Variants in MTMR7 observed in about 807,000 individuals in gnomAD.
MTMR7 encodes the protein myotubularin related protein 7.
Under a neutral mutation model 81.2 loss-of-function variants are expected in MTMR7, and 76 were observed. The observed-to-expected ratio is 0.94, with a 90% CI of 0.78 to 1.13. MTMR7 has a LOEUF of 1.13. MTMR7 is among the 50% of genes most tolerant of loss of function. The pLI is 0.00. For synonymous variants in MTMR7, 372 were observed against 289.8 expected (o/e 1.28, Z -2.88); for missense variants, 1,044 against 820.0 (o/e 1.27, Z -3.34).
Position 17,311,621 on chromosome 8 carries a change from C to T in MTMR7, c.991G>A (p.Gly331Arg). 2 of 1,614,134 alleles carry T rather than the reference C, an allele frequency of 1.2e-6. No individual in the cohort carries two copies. Among genetic ancestry groups the T allele is most frequent in the Non-Finnish European group, 1.7e-6 (2 of 1,180,006 alleles). ...GAACAGTGAACAAGCACACTTGCCC[C>T]TTCCTCTGACACTGCCTAGAAAACA... ...IFIAKAVSEE[G>R]ASVLVHCSDG... Residue 331 changes from glycine (G) to arginine (R), a missense_variant, in exon 9 of 14, where the codon GGG (glycine) becomes AGG (arginine). Coordinates refer to ENST00000180173, the MANE Select transcript of MTMR7 (RefSeq NM_004686.5).
At chr8:17,348,065 T>C (rs974905492) in intron 5 of MTMR7, among the ~76,000 whole-genome samples, 1 of 152,168 alleles carries the variant, frequency 6.6e-6, no homozygotes, top group African/African-American at 2.4e-5. Context: ...CTGCGCACCC[T>C]GGTAATTTTA....
chr8:17,340,906 AT>A (rs774671576), intron 6 of MTMR7, among the ~76,000 whole-genome samples: 2 of 152,128 alleles, frequency 1.3e-5, no homozygotes, highest in Non-Finnish European at 2.9e-5. Context: ...TTTACCTTAT[AT>A]TTTATAGTTC....
intron 1 of MTMR7, among the ~76,000 whole-genome samples, chr8:17,379,347 C>G (rs1384471672): frequency 6.6e-6 from 1 of 152,156 alleles, no homozygotes; most frequent in Non-Finnish European, 1.5e-5. Flanking sequence ...ACCACGCGAA[C>G]TCCACCCCGG....
Position 17,379,488 on chromosome 8 carries a change from T to C in MTMR7, c.25-6248A>G, listed in dbSNP as rs1362212690. Among the ~76,000 whole-genome samples, 5 of 152,164 alleles carry C rather than the reference T, an allele frequency of 3.3e-5. 1 individual carries two copies. Among genetic ancestry groups the C allele is most frequent in the Non-Finnish European group, 7.4e-5 (5 of 68,024 alleles). On this transcript the variant is annotated intron_variant, in intron 1 of 13. Coordinates refer to ENST00000180173, the MANE Select transcript of MTMR7 (RefSeq NM_004686.5). ...CACACGGGAAATAAAATGACTCCAT[T>C]AGGCCGGATTGAGAAATACATTTTA...
Position 17,311,655 on chromosome 8 carries a change from G to A in MTMR7, c.976-19C>T, listed in dbSNP as rs201248756. On this transcript the variant is annotated intron_variant, in intron 8 of 13. Coordinates refer to ENST00000180173, the MANE Select transcript of MTMR7 (RefSeq NM_004686.5). ...ACACTGCCTAGAAAACACACGATCC[G>A]CAAAGAGTCACAAAGAATGGCTGTA... 129 of 1,613,584 alleles carry A rather than the reference G, an allele frequency of 8.0e-5. No homozygotes were observed. The highest frequency in any genetic ancestry group is 4.9e-4 in the Middle Eastern group (3 of 6,082).
chr8:17,399,695 C>A (rs1585123168), intron 1 of MTMR7, among the ~76,000 whole-genome samples: 1 of 152,094 alleles, frequency 6.6e-6, no homozygotes, highest in Middle Eastern at 3.4e-3. Context: ...AAGAACAAAA[C>A]TGGAGGAATC....
intron 1 of MTMR7, among the ~76,000 whole-genome samples, chr8:17,375,506 C>A (rs1026946156): frequency 1.5e-5 from 2 of 137,802 alleles, no homozygotes; most frequent in East Asian, 2.2e-4. Flanking sequence ...TACAAGAATT[C>A]TTTTGTTACT....
At chr8:17,405,250 T>G (rs1399583271) in intron 1 of MTMR7, among the ~76,000 whole-genome samples, 1 of 152,242 alleles carries the variant, frequency 6.6e-6, no homozygotes, top group African/African-American at 2.4e-5. Flanking sequence ...AATTTGAACC[T>G]GCTTACAACC....
Position 17,304,381 on chromosome 8 carries a change from G to C in MTMR7, c.1491C>G (p.Tyr497Ter). The C allele has an allele frequency of 3.1e-6, 5 of 1,611,938 alleles. No homozygotes were observed. Among genetic ancestry groups the C allele is most frequent in the Non-Finnish European group, 4.2e-6 (5 of 1,178,318 alleles). Reference sequence around the variant, plus strand: ...AAAGTTACCAAGGATTTACATACTTGTACATGAAGTTACATGGTGTTGTAG... The same window carrying C: ...AAAGTTACCAAGGATTTACATACTTCTACATGAAGTTACATGGTGTTGTAG... ...HLPTTPCNFMYKFWSGMYNRF... is the reference protein window; with the variant it reads ...HLPTTPCNFM Residue 497 changes from tyrosine to a stop codon, truncating the protein, a stop_gained and splice_region_variant, in exon 12 of 14, where the codon TAC becomes TAG. Transcript: ENST00000180173. LOFTEE classifies it high-confidence loss of function.
In MTMR7 at chr8:17,331,396, C is replaced by T. The variant is rs1240434587; in HGVS notation, c.733-114G>A. On this transcript the variant is annotated intron_variant, in intron 6 of 13. Transcript: ENST00000180173. ...AAGCATTCAGAATGATGTACGGAAACATAATACGCTTATTTGAATCACTGC... is the reference window on the plus strand; with the variant it reads ...AAGCATTCAGAATGATGTACGGAAATATAATACGCTTATTTGAATCACTGC... 3 of 1,132,830 alleles carry T rather than the reference C, an allele frequency of 2.6e-6. No individual in the cohort carries two copies. In the African/African-American group the frequency reaches 4.7e-5, roughly 18 times the overall value. 70.2% of individuals were successfully genotyped at this position (1,132,830 alleles called of 1,614,324 possible).
At position 17,304,526 on chromosome 8, in the gene MTMR7, T is replaced by G; in HGVS notation, c.1353-7A>C. ...GTATGTTCTTTCTTGAATCCTGTTATAAAGAAAATAAGTCTATAAATGACC... is the reference window on the plus strand; with the variant it reads ...GTATGTTCTTTCTTGAATCCTGTTAGAAAGAAAATAAGTCTATAAATGACC... On this transcript the variant is annotated splice_region_variant and splice_polypyrimidine_tract_variant and intron_variant, in intron 11 of 13. Transcript: ENST00000180173. 6.2e-7 allele frequency: 1 copy of G among 1,612,496 alleles called. No individual in the cohort carries two copies. The highest frequency in any genetic ancestry group is 8.5e-7 in the Non-Finnish European group (1 of 1,178,838).
intron 5 of MTMR7, among the ~76,000 whole-genome samples, chr8:17,342,811 C>A (rs950391669): frequency 6.6e-6 from 1 of 152,068 alleles, no homozygotes; most frequent in African/African-American, 2.4e-5. Flanking sequence ...AAAGGGGCAG[C>A]AGCAGAGTCA....
chr8:17,366,942 A>G (rs1449691829), intron 3 of MTMR7, among the ~76,000 whole-genome samples: 1 of 151,516 alleles, frequency 6.6e-6, no homozygotes, highest in Non-Finnish European at 1.5e-5. Context: ...AAGATAATAC[A>G]GCTATTACTG....
chr8:17,343,296 G>A (rs541683707), intron 5 of MTMR7, among the ~76,000 whole-genome samples: 1 of 152,176 alleles, frequency 6.6e-6, no homozygotes, highest in East Asian at 1.9e-4. Context: ...TGGGCATGGT[G>A]GTACACACAT....
chr8:17,395,521 T>C (rs1821221034), intron 1 of MTMR7, among the ~76,000 whole-genome samples: 1 of 152,316 alleles, frequency 6.6e-6, no homozygotes, highest in East Asian at 1.9e-4. Flanking sequence ...GCAGTACCAG[T>C]TTACATTATC....
At chr8:17,405,213 C>G (rs1821542023) in intron 1 of MTMR7, among the ~76,000 whole-genome samples, 1 of 152,194 alleles carries the variant, frequency 6.6e-6, no homozygotes, top group African/African-American at 2.4e-5. Context: ...CTAGGGGATT[C>G]ACTGTCAAGA....
intron 1 of MTMR7, among the ~76,000 whole-genome samples, chr8:17,377,212 T>G (rs1333807258): frequency 6.6e-6 from 1 of 152,146 alleles, no homozygotes; most frequent in African/African-American, 2.4e-5. Context: ...GTATAGTACT[T>G]CTTTACACAG....
At chr8:17,350,841 A>C (rs1041711037) in intron 4 of MTMR7, among the ~76,000 whole-genome samples, 1 of 152,220 alleles carries the variant, frequency 6.6e-6, no homozygotes, top group Non-Finnish European at 1.5e-5. Flanking sequence ...CCAAAGTCTA[A>C]TTTCAGGGTT....
At chr8:17,370,147 G>A (rs1168668308) in intron 3 of MTMR7, among the ~76,000 whole-genome samples, 5 of 149,542 alleles carry the variant, frequency 3.3e-5, no homozygotes, top group African/African-American at 1.2e-4. Flanking sequence ...TTTTTTTCCA[G>A]GAGAATCAGC....
Sources: allele counts gnomAD v4.1 joint callset (sites outside exome capture counted in the v4.1 genomes callset), GRCh38; gene constraint gnomAD v4.1.1; transcripts MANE v1.5; gene names NCBI Gene and HGNC (gene_info 2026-07-23, HGNC 2026-07-21).